The following LRFN5 variants were observed in gnomAD, a reference collection of about 807,000 sequenced individuals.
The protein encoded by LRFN5 is leucine-rich repeat and fibronectin type-III domain-containing protein 5.
A neutral mutation model predicts 45.6 loss-of-function variants in LRFN5; 24 were observed. That is an observed-to-expected ratio of 0.53 (90% confidence interval 0.38 to 0.74). The LOEUF (loss-of-function observed/expected upper bound fraction) is 0.74, where lower values mean the gene tolerates loss of function less well. Among genes scored for constraint, LRFN5 ranks in the 30% least tolerant of loss-of-function variants. LRFN5 has a pLI of 0.00. For missense variants in LRFN5, 776 were observed against 861.5 expected, an observed-to-expected ratio of 0.90 and a Z score of 1.24; for synonymous variants, 340 against 313.8, an observed-to-expected ratio of 1.08 and a Z score of -0.88.
intron 2 of LRFN5, among the ~76,000 whole-genome samples, chr14:41,770,300 C>A (rs544997707): frequency 2.6e-5 from 4 of 152,282 alleles, no homozygotes; most frequent in East Asian, 3.9e-4. Context: ...CCTGGCCCCC[C>A]CAAATCACAT....
intron 1 of LRFN5, among the ~76,000 whole-genome samples, chr14:41,687,728 A>G (rs1882184163): frequency 6.6e-6 from 1 of 152,158 alleles, no homozygotes; most frequent in Non-Finnish European, 1.5e-5. Flanking sequence ...TCAGCAAACT[A>G]ACAAAGGAAC....
intron 2 of LRFN5, among the ~76,000 whole-genome samples, chr14:41,860,702 G>A (rs1889630930): frequency 6.6e-6 from 1 of 152,108 alleles, no homozygotes; most frequent in African/African-American, 2.4e-5. Context: ...TGCCTCCCTT[G>A]GCTTACATGA....
intron 2 of LRFN5, among the ~76,000 whole-genome samples, chr14:41,854,988 T>A (rs926694924): frequency 6.6e-6 from 1 of 152,160 alleles, no homozygotes; most frequent in African/African-American, 2.4e-5. Flanking sequence ...ATTAGTTAAA[T>A]TCTCCAGGTG....
intron 1 of LRFN5, among the ~76,000 whole-genome samples, chr14:41,718,367 C>T (rs1883576073): frequency 6.6e-6 from 1 of 152,012 alleles, no homozygotes; most frequent in Non-Finnish European, 1.5e-5. Flanking sequence ...TGAAATTAGC[C>T]AACTATACCA....
intron 1 of LRFN5, among the ~76,000 whole-genome samples, chr14:41,762,061 CAT>C (rs929059168): frequency 6.1e-5 from 9 of 148,080 alleles, no homozygotes; most frequent in African/African-American, 2.0e-4. Flanking sequence ...TACTATGAAA[CAT>C]AGTGAATGAG....
At chr14:41,626,225 A>G (rs952274619) in intron 1 of LRFN5, among the ~76,000 whole-genome samples, 13 of 152,160 alleles carry the variant, frequency 8.5e-5, no homozygotes, top group African/African-American at 1.4e-4. Flanking sequence ...AAAGTTAAAT[A>G]TGAGTATTTT....
At position 41,620,777 on chromosome 14, in the gene LRFN5, A is replaced by C. The variant is rs1368790023; in HGVS notation, c.-197+12215A>C. ...TTGGGGAAAGCAGTTTTTTTTTTCA[A>C]TTCTAAGTGTTGTCTGTACCATCAC... is the stretch of plus-strand genomic sequence containing the variant. On this transcript the variant is annotated intron_variant, in intron 1 of 5. Coordinates refer to ENST00000298119, the MANE Select transcript of LRFN5 (RefSeq NM_152447.5). 2.0e-5 allele frequency among the ~76,000 whole-genome samples: 3 copies of C among 151,944 alleles called. No homozygotes were observed. The East Asian group carries it at 5.8e-4, about 29-fold the overall frequency.
At chr14:41,771,209 C>T (rs571239378) in intron 2 of LRFN5, among the ~76,000 whole-genome samples, 1 of 150,254 alleles carries the variant, frequency 6.7e-6, no homozygotes, top group Non-Finnish European at 1.5e-5. Context: ...CCCTGGATCT[C>T]CTCGCCCAGA....
intron 2 of LRFN5, among the ~76,000 whole-genome samples, chr14:41,875,667 A>C (rs1164015503): frequency 1.3e-5 from 2 of 152,182 alleles, no homozygotes; most frequent in Non-Finnish European, 2.9e-5. Flanking sequence ...TCATGTTTTC[A>C]CTTACCAAAG....
intron 2 of LRFN5, among the ~76,000 whole-genome samples, chr14:41,842,228 T>C (rs12878452): frequency 0.18 from 27,604 of 152,018 alleles, 2,599 homozygotes; most frequent in African/African-American, 0.19. Context: ...ATTGAGATTA[T>C]CACAAAAATT....
intron 1 of LRFN5, among the ~76,000 whole-genome samples, chr14:41,664,675 AAAAT>A (rs1480045545): frequency 4.6e-5 from 7 of 152,030 alleles, no homozygotes; most frequent in Non-Finnish European, 1.0e-4. Flanking sequence ...GAAATAATGA[AAAAT>A]AAATAAAATT....
At chr14:41,681,882 G>A (rs982351204) in intron 1 of LRFN5, among the ~76,000 whole-genome samples, 1 of 149,876 alleles carries the variant, frequency 6.7e-6, no homozygotes, top group East Asian at 2.0e-4. Flanking sequence ...GCAGTGGCCC[G>A]ATCTCTGCTC....
At chr14:41,636,505 C>T (rs189042478) in intron 1 of LRFN5, among the ~76,000 whole-genome samples, 16 of 151,990 alleles carry the variant, frequency 1.1e-4, no homozygotes, top group Non-Finnish European at 7.4e-5. Flanking sequence ...GCACCAGTTA[C>T]ATTGTTTAGG....
chr14:41,768,713 AT>A (rs1885975807), intron 2 of LRFN5, among the ~76,000 whole-genome samples: 1 of 152,144 alleles, frequency 6.6e-6, no homozygotes. Flanking sequence ...TTAATTAATA[AT>A]TTTTTGTATG....
rs535877096 is a variant in LRFN5, at chr14:41,818,735, T to G, written c.-21+51706T>G. Among the ~76,000 whole-genome samples, 3 of 152,252 alleles carry G rather than the reference T, an allele frequency of 2.0e-5. No homozygotes were observed. The East Asian group carries it at 5.8e-4, about 29-fold the overall frequency. On this transcript the variant is annotated intron_variant, in intron 2 of 5. Coordinates refer to ENST00000298119, the MANE Select transcript of LRFN5 (RefSeq NM_152447.5). ...TTTTGTGTTGATTCTTTGTTTCATC[T>G]CTTTACCATAATTTAAAAAATAGAT...
chr14:41,748,789 A>G (rs1009154292), intron 1 of LRFN5, among the ~76,000 whole-genome samples: 5 of 152,250 alleles, frequency 3.3e-5, no homozygotes, highest in Non-Finnish European at 5.9e-5. Context: ...CATATGTGAC[A>G]CATAATTTCA....
At chr14:41,892,113 T>G in intron 4 of LRFN5, 151 bp downstream of exon 4, 1 of 1,435,934 alleles carries the variant, frequency 7.0e-7, no homozygotes, top group Non-Finnish European at 9.1e-7. Flanking sequence ...GTGATGTTTA[T>G]TCAGTCTGAC....
rs182584078 is a variant in LRFN5 at position 41,860,960 on chromosome 14, G to A, written c.-20-25646G>A. ...ATACTCTAAAGCCAACTATTCCAAGGTTGTCCTTATAAGAAAAGTAATTCT... is the reference window on the plus strand; with the variant it reads ...ATACTCTAAAGCCAACTATTCCAAGATTGTCCTTATAAGAAAAGTAATTCT... On this transcript the variant is annotated intron_variant, in intron 2 of 5. Coordinates refer to ENST00000298119, the MANE Select transcript of LRFN5 (RefSeq NM_152447.5). Among the ~76,000 whole-genome samples, 222 of 152,234 alleles carry A rather than the reference G, an allele frequency of 1.5e-3. 1 individual carries two copies. Among genetic ancestry groups the A allele is most frequent in the African/African-American group, 5.1e-3 (212 of 41,534 alleles).
chr14:41,898,640 T>G (rs1891012535), intron 4 of LRFN5, among the ~76,000 whole-genome samples: 1 of 152,050 alleles, frequency 6.6e-6, no homozygotes, highest in Non-Finnish European at 1.5e-5. Flanking sequence ...GAATACCAAA[T>G]GCATATTGAA....
Sources: allele counts gnomAD v4.1 joint callset (sites outside exome capture counted in the v4.1 genomes callset), GRCh38; gene constraint gnomAD v4.1.1; transcripts MANE v1.5; gene names NCBI Gene and HGNC (gene_info 2026-07-23, HGNC 2026-07-21).